Variants in KIF21B observed in about 807,000 individuals in gnomAD.
KIF21B encodes the protein kinesin family member 21B, also known as kinesin-like protein KIF21B.
A neutral mutation model predicts 192.9 loss-of-function variants in KIF21B; 85 were observed. That is an observed-to-expected ratio of 0.44 (90% CI 0.37 to 0.53). The LOEUF is 0.53. Among genes scored for constraint, KIF21B ranks in the 20% least tolerant of loss-of-function variants. The pLI is 0.00. For synonymous variants in KIF21B, 832 were observed against 884.6 expected (o/e 0.94, Z 1.05); for missense variants, 1,716 against 2,194.8 (o/e 0.78, Z 4.36).
Position 200,972,120 on chromosome 1 carries a change from AGAGTT to A in KIF21B, c.*1396_*1400del, listed in dbSNP as rs1655246851. On this transcript the variant is annotated 3_prime_UTR_variant, in exon 35 of 35. Coordinates refer to ENST00000461742, the MANE Select transcript of KIF21B (RefSeq NM_001252102.2). ...CCCCAAGGCCCACTCCTGTAATTCCAGAGTTCCCCCAACAGGGGGCGCCAGAACAC... is the reference window on the plus strand; with the variant it reads ...CCCCAAGGCCCACTCCTGTAATTCCACCCCCAACAGGGGGCGCCAGAACAC... The A allele has an allele frequency of 6.6e-6, 1 of 152,130 alleles. No individual in the cohort carries two copies. The highest frequency in any genetic ancestry group is 6.6e-5 in the Admixed American group (1 of 15,264). 9.4% of individuals were successfully genotyped at this position (152,130 alleles called of 1,614,324 possible).
chr1:200,990,772 G>A lies in KIF21B; in HGVS notation c.2688-49C>T, dbSNP rs1004341629. ...TTGGATGGGACTCCTTTTAACCTCT[G>A]CAGCTCCACTGAGCCCCCATCTGGA... On this transcript the variant is annotated intron_variant, in intron 18 of 34. Coordinates refer to ENST00000461742, the MANE Select transcript of KIF21B (RefSeq NM_001252102.2). The surrounding 1 kb of genome is among the most constrained non-coding windows in gnomAD (Gnocchi z 5.4). The A allele has an allele frequency of 4.4e-6, 7 of 1,606,266 alleles. No individual in the cohort carries two copies. Among genetic ancestry groups the A allele is most frequent in the Non-Finnish European group, 6.0e-6 (7 of 1,174,702 alleles).
chr1:200,986,816 T>C (rs757218675), intron 26 of KIF21B, 28 bp downstream of exon 26: 2 of 1,588,574 alleles, frequency 1.3e-6, no homozygotes, highest in Admixed American at 1.7e-5. Flanking sequence ...GTGGTGACTC[T>C]GGAGCAGATT....
At chr1:201,015,002 T>C (rs949577163) in intron 1 of KIF21B, among the ~76,000 whole-genome samples, 2 of 152,194 alleles carry the variant, frequency 1.3e-5, no homozygotes, top group Non-Finnish European at 2.9e-5. Flanking sequence ...AACACATTTA[T>C]AGAGCCAAGA....
In KIF21B at chr1:200,982,413, C is replaced by T. The variant is rs1165639049; in HGVS notation, c.3842+643G>A. Among the ~76,000 whole-genome samples, 3 of 152,194 alleles carry T rather than the reference C, an allele frequency of 2.0e-5. No individual in the cohort carries two copies. The highest frequency in any genetic ancestry group is 6.5e-5 in the Admixed American group (1 of 15,280). On this transcript the variant is annotated intron_variant, in intron 28 of 34. Coordinates refer to ENST00000461742, the MANE Select transcript of KIF21B (RefSeq NM_001252102.2). The surrounding 1 kb of genome is among the most constrained non-coding windows in gnomAD (Gnocchi z 4.7). ...AGGGGCCCTTGGCTTGTCAGGGGCT[C>T]GGGACCCCAGGTCCTGAGTCTTGCT...
rs572495634 is a variant in KIF21B, at chr1:200,983,305, T to G, written c.3804-211A>C. 2.6e-5 allele frequency among the ~76,000 whole-genome samples: 4 copies of G among 152,052 alleles called. No individual in the cohort carries two copies. In the East Asian group the frequency reaches 7.8e-4, roughly 30 times the overall value. On this transcript the variant is annotated intron_variant, in intron 27 of 34. Transcript: ENST00000461742. ...CTGGGACTCTCCCCCAGGAGTGGGC[T>G]GCCAGGGTCTCTCGGCTGGCAAGGG...
rs549775539 is a variant in KIF21B at position 201,002,422 on chromosome 1, C to T, written c.1213-72G>A. 8.7e-6 allele frequency: 12 copies of T among 1,382,928 alleles called. No homozygotes were observed. In the African/African-American group the frequency reaches 1.7e-4, roughly 20 times the overall value. 85.7% of individuals were successfully genotyped at this position (1,382,928 alleles called of 1,614,324 possible). On this transcript the variant is annotated intron_variant, in intron 8 of 34. Coordinates refer to ENST00000461742, the MANE Select transcript of KIF21B (RefSeq NM_001252102.2). ...TTGGGGGGGTAAGGGGCTGATGATG[C>T]CCCTCCCTCTGCCAGCGCCCTGGCC...
rs1489133880 is a variant in KIF21B at position 200,969,605 on chromosome 1, A to C, written c.*3916T>G. On this transcript the variant is annotated 3_prime_UTR_variant, in exon 35 of 35. Coordinates refer to ENST00000461742, the MANE Select transcript of KIF21B (RefSeq NM_001252102.2). ...CCTGGGCAGGACATGATTGCTAGAAAAGAGTTGGTGGGCAGGGCAGGGCCC... is the reference window on the plus strand; with the variant it reads ...CCTGGGCAGGACATGATTGCTAGAACAGAGTTGGTGGGCAGGGCAGGGCCC... The C allele has an allele frequency of 6.5e-6, 1 of 152,748 alleles. No individual in the cohort carries two copies. Among genetic ancestry groups the C allele is most frequent in the Non-Finnish European group, 1.5e-5 (1 of 68,066 alleles). The allele number at this position is 152,748 out of a possible 1,614,324, so 9.5% of individuals were successfully genotyped here.
intron 9 of KIF21B, chr1:201,001,950 G>T: frequency 1.7e-6 from 1 of 590,814 alleles, no homozygotes; most frequent in Non-Finnish European, 3.0e-6. Context: ...ATATAGTGAT[G>T]TATTGTTTGC....
intron 22 of KIF21B, 50 bp downstream of exon 22, chr1:200,988,716 A>G: frequency 6.4e-7 from 1 of 1,571,640 alleles, no homozygotes; most frequent in Non-Finnish European, 8.7e-7. Flanking sequence ...TGAGCCCAAG[A>G]GCACTGGAAT....
At chr1:201,015,364 GC>G (rs1658444086) in intron 1 of KIF21B, among the ~76,000 whole-genome samples, 1 of 152,194 alleles carries the variant, frequency 6.6e-6, no homozygotes, top group South Asian at 2.1e-4. Flanking sequence ...CTTTCAGATG[GC>G]CAAAATGTTA....
chr1:201,016,747 C>T (rs1244010931), intron 1 of KIF21B, among the ~76,000 whole-genome samples: 1 of 152,142 alleles, frequency 6.6e-6, no homozygotes, highest in Non-Finnish European at 1.5e-5. Context: ...GGTCTTGTTG[C>T]CCTCCCATTT....
At position 200,973,402 on chromosome 1, in the gene KIF21B, AG is replaced by A; in HGVS notation, c.*118del. ...CAAGGGAGAGGGAGGAGGGCAGGAG[AG>A]GGGGCCACGCCCTCTGTCCCCAGAG... On this transcript the variant is annotated 3_prime_UTR_variant, in exon 35 of 35. Transcript: ENST00000461742. 3 of 1,242,464 alleles carry A rather than the reference AG, an allele frequency of 2.4e-6. No homozygotes were observed. Among genetic ancestry groups the A allele is most frequent in the Non-Finnish European group, 3.1e-6 (3 of 958,128 alleles). The allele number at this position is 1,242,464 out of a possible 1,614,324, so 77.0% of individuals were successfully genotyped here.
At chr1:200,979,503 C>T in intron 30 of KIF21B, 32 bp downstream of exon 30, 11 of 1,494,382 alleles carry the variant, frequency 7.4e-6, no homozygotes, top group Non-Finnish European at 9.9e-6. Context: ...CTGCTGCAGC[C>T]GACCACTGTG....
rs1270292045 is a variant in KIF21B, at chr1:200,974,061, G to A, written c.4815-483C>T. 8 of 1,603,896 alleles carry A rather than the reference G, an allele frequency of 5.0e-6. No homozygotes were observed. The South Asian group carries it at 8.9e-5, about 18-fold the overall frequency. Reference sequence around the variant, plus strand: ...AGAGAGGGAAAAGGAAAGAGGGGAAGAATGAAAGAGGAGACAGGGAGAGTT... The same window carrying A: ...AGAGAGGGAAAAGGAAAGAGGGGAAAAATGAAAGAGGAGACAGGGAGAGTT... On this transcript the variant is annotated intron_variant, in intron 34 of 34. Transcript: ENST00000461742.
chr1:201,002,280 T>G lies in KIF21B; in HGVS notation c.1283A>C (p.Gln428Pro). The G allele has an allele frequency of 6.2e-7, 1 of 1,614,162 alleles. No individual in the cohort carries two copies. Residue 428 changes from glutamine to proline, a missense_variant, in exon 9 of 35, where the codon CAG (glutamine) becomes CCG (proline). Physicochemically the swap from Gln to Pro is moderately conservative, Grantham distance 76 (BLOSUM62 -1). Transcript: ENST00000461742. ...CAGCCGCAGGGCCCCATTCTCCTTC[T>G]GTAGCATGGCATTCTCTCGGAACAG... ...SDLFRENAML[Q>P]KENGALRLRV...
In KIF21B at chr1:201,009,047, C is replaced by T. The variant is rs1018185248; in HGVS notation, c.265-96G>A. 2.1e-5 allele frequency: 29 copies of T among 1,401,496 alleles called. 1 individual carries two copies. In the East Asian group the frequency reaches 4.9e-4, roughly 23 times the overall value. 86.8% of individuals were successfully genotyped at this position (1,401,496 alleles called of 1,614,324 possible). A position where few individuals can be genotyped will look rare whatever the true frequency, so the allele number is the denominator to read the frequency against. ...CAAATCCCCTTAGCTCATCTACCTCCCAGCCCGGTTCCCCTGCTGCTTTCT... is the reference window on the plus strand; with the variant it reads ...CAAATCCCCTTAGCTCATCTACCTCTCAGCCCGGTTCCCCTGCTGCTTTCT... On this transcript the variant is annotated intron_variant, in intron 2 of 34. Coordinates refer to ENST00000461742, the MANE Select transcript of KIF21B (RefSeq NM_001252102.2).
intron 26 of KIF21B, 27 bp from the exon 27 acceptor site, chr1:200,984,999 TGTTA>T (rs777579869): frequency 6.5e-7 from 1 of 1,544,272 alleles, no homozygotes; most frequent in East Asian, 2.3e-5. Context: ...GAGGGCAGCC[TGTTA>T]GTGACCACCC....
In KIF21B at chr1:200,988,529, C is replaced by T; in HGVS notation, c.3314G>A (p.Ser1105Asn). 1 of 1,048,080 alleles carries T rather than the reference C, an allele frequency of 9.5e-7. No individual in the cohort carries two copies. Among genetic ancestry groups the T allele is most frequent in the Non-Finnish European group, 1.4e-6 (1 of 726,852 alleles). 64.9% of individuals were successfully genotyped at this position (1,048,080 alleles called of 1,614,324 possible). The change falls in exon 23 of 35, where the codon AGC becomes AAC. Residue 1105 changes from serine (S) to asparagine (N), a missense_variant. Transcript: ENST00000461742. Reference sequence around the variant, plus strand: ...GAACTCTGAGATCTCCTCATCTGTGCTGGCGTAGCCATTCTCTGTGGGAGG... The same window carrying T: ...GAACTCTGAGATCTCCTCATCTGTGTTGGCGTAGCCATTCTCTGTGGGAGG... The part of the protein sequence containing the change: ...YNVQQENGYA[S>N]TDEEISEFSE...
rs771428814 is a variant in KIF21B, at chr1:200,977,218, A to G, written c.4319T>C (p.Leu1440Pro). 6.2e-7 allele frequency: 1 copy of G among 1,611,274 alleles called. No homozygotes were observed. The highest frequency in any genetic ancestry group is 8.5e-7 in the Non-Finnish European group (1 of 1,177,704). Residue 1440 changes from leucine to proline, a missense_variant, in exon 31 of 35, where the codon CTT becomes CCT. Leu to Pro is a moderately conservative substitution (Grantham distance 98, BLOSUM62 -3). This residue lies in a region of KIF21B where 580 missense variants were observed against 775.5 expected (regional missense o/e 0.75). Coordinates refer to ENST00000461742, the MANE Select transcript of KIF21B (RefSeq NM_001252102.2). ...CCCCAGGTATCACGCTGACCTGCTA[A>G]GCTCCCAGATGCGGACGGCATTGCC... Reference protein sequence around the residue: ...ASGNAVRIWELSRFQPVGKLT... With the variant: ...ASGNAVRIWEPSRFQPVGKLT...
Sources: allele counts gnomAD v4.1 joint callset (sites outside exome capture counted in the v4.1 genomes callset), GRCh38; gene constraint gnomAD v4.1.1; regional missense constraint gnomAD v4.1.1; non-coding constraint Gnocchi (gnomAD v3.1); transcripts MANE v1.5; gene names NCBI Gene and HGNC (gene_info 2026-07-23, HGNC 2026-07-21).